The following GRM1 variants were observed in gnomAD, a reference collection of about 807,000 sequenced individuals.
The protein encoded by GRM1 is glutamate metabotropic receptor 1.
Under a neutral mutation model 90.9 loss-of-function variants are expected in GRM1, and 33 were observed. The ratio of observed to expected loss-of-function variants is 0.36; its 90% CI spans 0.28 to 0.49. The LOEUF is 0.49. Among genes scored for constraint, GRM1 ranks in the 20% least tolerant of loss-of-function variants. GRM1 has a pLI of 0.99. For synonymous variants in GRM1, 700 were observed against 613.2 expected, an observed-to-expected ratio of 1.14 and a Z score of -2.09; for missense variants, 1,190 against 1,534.3, an observed-to-expected ratio of 0.78 and a Z score of 3.75.
chr6:146,080,153 A>T, intron 1 of GRM1, among the ~76,000 whole-genome samples: 1 of 152,124 alleles, frequency 6.6e-6, no homozygotes, highest in East Asian at 1.9e-4. Flanking sequence ...TTCATTGGGG[A>T]TGGTGATTTG....
chr6:146,108,575 A>T (rs985788092), intron 1 of GRM1, among the ~76,000 whole-genome samples: 14 of 152,320 alleles, frequency 9.2e-5, no homozygotes, highest in Middle Eastern at 3.4e-3. Flanking sequence ...AGTCTCAGGT[A>T]TGTCTTTATC....
At chr6:146,130,784 A>G (rs769530836) in intron 1 of GRM1, among the ~76,000 whole-genome samples, 4 of 152,176 alleles carry the variant, frequency 2.6e-5, no homozygotes, top group Non-Finnish European at 5.9e-5. Context: ...TTGTAGTGCA[A>G]TAGTAATGCA....
At chr6:146,394,309 G>T (rs139891386) in intron 6 of GRM1, among the ~76,000 whole-genome samples, 1 of 152,208 alleles carries the variant, frequency 6.6e-6, no homozygotes, top group Non-Finnish European at 1.5e-5. Flanking sequence ...TCTAGGCTCA[G>T]ATAAATTCCT....
intron 1 of GRM1, among the ~76,000 whole-genome samples, chr6:146,146,523 T>C (rs1248735432): frequency 2.0e-5 from 3 of 152,164 alleles, no homozygotes; most frequent in Admixed American, 1.3e-4. Context: ...AAGGTATTTG[T>C]GAAGGACATG....
intron 2 of GRM1, among the ~76,000 whole-genome samples, chr6:146,237,021 C>G (rs1583204574): frequency 6.6e-6 from 1 of 152,112 alleles, no homozygotes; most frequent in East Asian, 1.9e-4. Flanking sequence ...ATTTGTCTCA[C>G]TGGCTTGAAC....
At chr6:146,205,047 T>C (rs1779446687) in intron 2 of GRM1, among the ~76,000 whole-genome samples, 1 of 152,246 alleles carries the variant, frequency 6.6e-6, no homozygotes, top group African/African-American at 2.4e-5. Flanking sequence ...ATCAAAAATG[T>C]CCAATGACTT....
chr6:146,360,290 GTT>G (rs1775418769), intron 5 of GRM1, among the ~76,000 whole-genome samples: 1 of 151,886 alleles, frequency 6.6e-6, no homozygotes, highest in Admixed American at 6.6e-5. Context: ...CAAAAATCCA[GTT>G]TTCTTATGTT....
chr6:146,241,178 G>A (rs1329697870), intron 2 of GRM1, among the ~76,000 whole-genome samples: 2 of 152,148 alleles, frequency 1.3e-5, no homozygotes, highest in South Asian at 2.1e-4. Flanking sequence ...TGAGGGAAAT[G>A]AGGATCATTC....
chr6:146,164,082 A>T (rs889827154), intron 2 of GRM1, among the ~76,000 whole-genome samples: 1 of 151,672 alleles, frequency 6.6e-6, no homozygotes, highest in East Asian at 1.9e-4. Flanking sequence ...TAATTCTTAA[A>T]TTTTTTTTTA....
At chr6:146,417,650 T>C (rs1777837014) in intron 7 of GRM1, among the ~76,000 whole-genome samples, 1 of 152,228 alleles carries the variant, frequency 6.6e-6, no homozygotes, top group African/African-American at 2.4e-5. Context: ...GCATCTAATA[T>C]TGAGGTTAGT....
chr6:146,228,865 T>A (rs1430360861), intron 2 of GRM1, among the ~76,000 whole-genome samples: 3 of 152,188 alleles, frequency 2.0e-5, no homozygotes, highest in Non-Finnish European at 4.4e-5. Context: ...ATCTTTATGC[T>A]AATTCCATAC....
chr6:146,380,208 G>A (rs1239408741), intron 5 of GRM1, among the ~76,000 whole-genome samples: 1 of 152,096 alleles, frequency 6.6e-6, no homozygotes, highest in East Asian at 1.9e-4. Context: ...AGGTCTCCCA[G>A]AGCCCTGTGT....
intron 2 of GRM1, among the ~76,000 whole-genome samples, chr6:146,233,789 G>A (rs1341542421): frequency 3.9e-5 from 6 of 151,998 alleles, no homozygotes; most frequent in East Asian, 1.9e-4. Flanking sequence ...ATAGTTAGAC[G>A]GAATAAAAAT....
chr6:146,165,845 A>G (rs144014768), intron 2 of GRM1, among the ~76,000 whole-genome samples: 62 of 152,288 alleles, frequency 4.1e-4, no homozygotes, highest in African/African-American at 1.0e-3. Flanking sequence ...CAGGATTTCC[A>G]TAACAACTGA....
intron 2 of GRM1, among the ~76,000 whole-genome samples, chr6:146,183,077 C>T (rs958389803): frequency 6.6e-6 from 1 of 152,114 alleles, no homozygotes; most frequent in Non-Finnish European, 1.5e-5. Flanking sequence ...GATTCAGGCT[C>T]CTTCACATTT....
chr6:146,354,551 G>A (rs1443339765), intron 4 of GRM1, among the ~76,000 whole-genome samples: 1 of 152,028 alleles, frequency 6.6e-6, no homozygotes, highest in Non-Finnish European at 1.5e-5. Context: ...TGTTACTTAA[G>A]CTTTCCCCTG....
intron 1 of GRM1, among the ~76,000 whole-genome samples, chr6:146,150,297 G>T (rs76213816): frequency 0.029 from 4,411 of 152,182 alleles, 85 homozygotes; most frequent in Non-Finnish European, 0.038. Context: ...AGGTAAAAAA[G>T]AATTTCCTGA....
intron 2 of GRM1, among the ~76,000 whole-genome samples, chr6:146,291,140 T>G (rs998931682): frequency 6.6e-6 from 1 of 152,126 alleles, no homozygotes; most frequent in South Asian, 2.1e-4. Flanking sequence ...GTTAAAATTA[T>G]GTTAGTTGGT....
intron 5 of GRM1, among the ~76,000 whole-genome samples, chr6:146,382,657 T>C (rs1181830193): frequency 6.6e-6 from 1 of 152,150 alleles, no homozygotes; most frequent in African/African-American, 2.4e-5. Context: ...CAAAGTCAGG[T>C]ACAGAAACAA....
Sources: allele counts gnomAD v4.1 joint callset (sites outside exome capture counted in the v4.1 genomes callset), GRCh38; gene constraint gnomAD v4.1.1; transcripts MANE v1.5; gene names NCBI Gene and HGNC (gene_info 2026-07-23, HGNC 2026-07-21).